The following FAM162B variants were observed in gnomAD, a reference collection of about 807,000 sequenced individuals.
FAM162B encodes family with sequence similarity 162 member B.
In FAM162B, 16 loss-of-function variants were observed where a neutral mutation model predicts 20.0. That is an observed-to-expected ratio of 0.80 (90% CI 0.54 to 1.21). The LOEUF is 1.21. FAM162B is among the 50% of genes most tolerant of loss of function. FAM162B has a pLI of 0.00. For missense variants in FAM162B, 260 were observed against 227.5 expected (o/e 1.14, Z -0.92); for synonymous variants, 83 against 89.7 (o/e 0.93, Z 0.42).
At chr6:116,757,298 T>C (rs1475323089) in intron 3 of FAM162B, among the ~76,000 whole-genome samples, 1 of 152,160 alleles carries the variant, frequency 6.6e-6, no homozygotes, top group East Asian at 1.9e-4. Flanking sequence ...GTTACAATAT[T>C]ATAATGAATA....
chr6:116,753,958 A>AT (rs956327420), intron 3 of FAM162B, among the ~76,000 whole-genome samples: 1 of 152,106 alleles, frequency 6.6e-6, no homozygotes, highest in African/African-American at 2.4e-5. Flanking sequence ...AAGATAAACG[A>AT]TTTTCATTCC....
At chr6:116,762,580 C>G (rs546024442) in intron 2 of FAM162B, among the ~76,000 whole-genome samples, 3 of 152,098 alleles carry the variant, frequency 2.0e-5, no homozygotes, top group East Asian at 3.9e-4. Context: ...AAAAGACACA[C>G]TATTATCCAG....
At chr6:116,761,356 C>T (rs1351651559) in intron 3 of FAM162B, among the ~76,000 whole-genome samples, 2 of 152,036 alleles carry the variant, frequency 1.3e-5, no homozygotes, top group Non-Finnish European at 2.9e-5. Flanking sequence ...AACTAGAATA[C>T]CTTGGCAATC....
chr6:116,762,802 T>C (rs146444309), intron 2 of FAM162B, among the ~76,000 whole-genome samples: 158 of 152,274 alleles, frequency 1.0e-3, no homozygotes, highest in African/African-American at 3.6e-3. Context: ...ATAATACTAC[T>C]TACAAAGTAG....
chr6:116,760,117 C>T (rs1468127433), intron 3 of FAM162B, among the ~76,000 whole-genome samples: 1 of 152,160 alleles, frequency 6.6e-6, no homozygotes, highest in Admixed American at 6.5e-5. Context: ...TAACTACATG[C>T]AGAGTGCCTG....
At chr6:116,758,741 G>T (rs151089283) in intron 3 of FAM162B, among the ~76,000 whole-genome samples, 10 of 152,198 alleles carry the variant, frequency 6.6e-5, no homozygotes, top group African/African-American at 2.4e-4. Context: ...TTTATTTTAT[G>T]TAGAAAGTAT....
At position 116,764,902 on chromosome 6, in the gene FAM162B, G is replaced by A. The variant is rs150370056; in HGVS notation, c.281+245C>T. Reference sequence around the variant, plus strand: ...CGGCAATCTGGGCGGTGCTGGAAGTGTCCCCTGAACCTCTCAGTTTTCACC... The same window carrying A: ...CGGCAATCTGGGCGGTGCTGGAAGTATCCCCTGAACCTCTCAGTTTTCACC... On this transcript the variant is annotated intron_variant, in intron 2 of 3. Transcript: ENST00000368557. Among the ~76,000 whole-genome samples, 997 of 152,292 alleles carry A rather than the reference G, an allele frequency of 6.5e-3. 14 individuals are homozygous for A. The highest frequency in any genetic ancestry group is 0.023 in the African/African-American group (947 of 41,562).
At chr6:116,760,573 T>C (rs998298706) in intron 3 of FAM162B, among the ~76,000 whole-genome samples, 1 of 152,192 alleles carries the variant, frequency 6.6e-6, no homozygotes, top group Non-Finnish European at 1.5e-5. Context: ...ATCTTTTTGA[T>C]GTAGATGAGG....
At chr6:116,757,807 A>T (rs921433628) in intron 3 of FAM162B, among the ~76,000 whole-genome samples, 1 of 151,418 alleles carries the variant, frequency 6.6e-6, no homozygotes, top group Non-Finnish European at 1.5e-5. Context: ...TCAAATGCTG[A>T]TAGGTCAATG....
chr6:116,758,156 G>T lies in FAM162B; in HGVS notation c.390+3821C>A, dbSNP rs181138303. On this transcript the variant is annotated intron_variant, in intron 3 of 3. Transcript: ENST00000368557. ...CGCAATTAATAAGAGCTTCTAGATT[G>T]GAGCAAGAATCATTTACAATAGGCA... Among the ~76,000 whole-genome samples the T allele has an allele frequency of 3.5e-4, 53 of 152,266 alleles. No homozygotes were observed. The East Asian group carries it at 9.6e-3, about 28-fold the overall frequency.
In FAM162B at chr6:116,762,023, C is replaced by T. The variant is rs199855374; in HGVS notation, c.344G>A (p.Gly115Glu). ...ARVKACYIMI[G>E]LTIIACFAVI... ...AGCAAAGCAGGCGATAATTGTGAGT[C>T]CAATCATTATGTAACAAGCTTTCAC... The change falls in exon 3 of 4, where the codon GGA becomes GAA. Residue 115 changes from glycine (G) to glutamate (E), a missense_variant. Transcript: ENST00000368557. 3.7e-6 allele frequency: 6 copies of T among 1,602,982 alleles called. No individual in the cohort carries two copies. The South Asian group carries it at 6.7e-5, about 18-fold the overall frequency.
intron 2 of FAM162B, among the ~76,000 whole-genome samples, chr6:116,764,435 A>T (rs1023112848): frequency 1.3e-5 from 2 of 151,940 alleles, no homozygotes; most frequent in African/African-American, 4.8e-5. Context: ...CTTTGGAAAG[A>T]TTTTTTTACA....
At position 116,765,542 on chromosome 6, in the gene FAM162B, C is replaced by T; in HGVS notation, c.35G>A (p.Gly12Asp). The T allele has an allele frequency of 7.2e-7, 1 of 1,388,452 alleles. No homozygotes were observed. The highest frequency in any genetic ancestry group is 9.3e-7 in the Non-Finnish European group (1 of 1,079,746). 86.0% of individuals were successfully genotyped at this position (1,388,452 alleles called of 1,614,324 possible). The change falls in exon 1 of 4, where the codon GGC becomes GAC. Residue 12 changes from glycine (G) to aspartate (D), a missense_variant. Transcript: ENST00000368557. ...LRAVGSLLRLGRGLTVRCGPG... is the reference protein window; with the variant it reads ...LRAVGSLLRLDRGLTVRCGPG... ...GCCGCAGCGGACTGTTAGCCCGCGG[C>T]CAAGGCGCAGTAGGCTCCCGACCGC...
chr6:116,757,753 C>T (rs1172236933), intron 3 of FAM162B, among the ~76,000 whole-genome samples: 3 of 77,922 alleles, frequency 3.9e-5, no homozygotes, highest in African/African-American at 2.0e-4. Flanking sequence ...TCCTCCTCCA[C>T]CAAAAAAAAA....
intron 3 of FAM162B, among the ~76,000 whole-genome samples, chr6:116,759,969 T>C (rs648147): frequency 0.6 from 91,826 of 151,970 alleles, 28,630 homozygotes; most frequent in East Asian, 0.84. Context: ...TCTCCTGGGG[T>C]GTTACTATTT....
At chr6:116,761,773 C>G (rs1771785446) in intron 3 of FAM162B, among the ~76,000 whole-genome samples, 1 of 149,286 alleles carries the variant, frequency 6.7e-6, no homozygotes, top group South Asian at 2.1e-4. Context: ...TATATGACTT[C>G]AAGTCTCAAA....
At chr6:116,759,354 T>A (rs578126941) in intron 3 of FAM162B, among the ~76,000 whole-genome samples, 10 of 150,418 alleles carry the variant, frequency 6.6e-5, no homozygotes, top group Non-Finnish European at 1.5e-4. Context: ...CAGGCTGGAG[T>A]GCAGTGGCAC....
At chr6:116,756,853 C>T (rs1780057681) in intron 3 of FAM162B, among the ~76,000 whole-genome samples, 1 of 152,168 alleles carries the variant, frequency 6.6e-6, no homozygotes, top group African/African-American at 2.4e-5. Flanking sequence ...TTGCGTGTCT[C>T]AGTTTATTCT....
intron 1 of FAM162B, 65 bp downstream of exon 1, chr6:116,765,340 G>C (rs1428040528): frequency 2.0e-6 from 3 of 1,537,626 alleles, no homozygotes; most frequent in East Asian, 2.4e-5. Context: ...CTCCCGGGCC[G>C]GCCCCTCGCT....
Sources: gnomAD v4.1 joint callset for allele counts (sites outside exome capture counted in the v4.1 genomes callset) on GRCh38, gnomAD v4.1.1 for gene constraint, MANE v1.5 for transcripts, NCBI Gene and HGNC (gene_info 2026-07-23, HGNC 2026-07-21) for gene names.